Variants in FSTL4 observed in about 807,000 individuals in gnomAD.
The protein encoded by FSTL4 is follistatin-related protein 4.
Under a neutral mutation model 78.2 loss-of-function variants are expected in FSTL4, and 28 were observed. The observed-to-expected ratio is 0.36, with a 90% CI of 0.27 to 0.49. FSTL4 has a LOEUF of 0.49. Among genes scored for constraint, FSTL4 ranks in the 20% least tolerant of loss-of-function variants. The probability of loss-of-function intolerance (pLI) is 0.98; values close to 1 mark genes in which losing one functional copy is unlikely to be tolerated. For synonymous variants in FSTL4, 422 were observed against 440.5 expected (o/e 0.96, Z 0.53); for missense variants, 922 against 1,084.9 (o/e 0.85, Z 2.11).
rs2127002776 is a variant in FSTL4 at position 133,440,700 on chromosome 5, G to C, written c.161-39714C>G. On this transcript the variant is annotated intron_variant, in intron 3 of 15. Coordinates refer to ENST00000265342, the MANE Select transcript of FSTL4 (RefSeq NM_015082.2). This position sits in a 1 kb window ranked among gnomAD's most constrained non-coding sequence, Gnocchi z 4.1. Reference sequence around the variant, plus strand: ...GAGGCCTGGGAATGTCCAAGCAGGGGGAAGAGAAGACAGTGGAGACTGCAA... The same window carrying C: ...GAGGCCTGGGAATGTCCAAGCAGGGCGAAGAGAAGACAGTGGAGACTGCAA... 6.6e-6 allele frequency among the ~76,000 whole-genome samples: 1 copy of C among 152,282 alleles called. No homozygotes were observed. The highest frequency in any genetic ancestry group is 1.5e-5 in the Non-Finnish European group (1 of 68,014).
rs1754510403 is a variant in FSTL4, at chr5:133,338,408, T to C, written c.410-21756A>G. 6.6e-6 allele frequency among the ~76,000 whole-genome samples: 1 copy of C among 152,176 alleles called. No individual in the cohort carries two copies. Among genetic ancestry groups the C allele is most frequent in the Non-Finnish European group, 1.5e-5 (1 of 68,014 alleles). On this transcript the variant is annotated intron_variant, in intron 4 of 15. Coordinates refer to ENST00000265342, the MANE Select transcript of FSTL4 (RefSeq NM_015082.2). This position sits in a 1 kb window ranked among gnomAD's most constrained non-coding sequence, Gnocchi z 4.0. ...TCTCAGGCCCTTTTAAAGGTGGTCG[T>C]TGCTGAGAGTATTTGGCTGCTTCTC...
chr5:133,496,401 G>C (rs1758367891), intron 3 of FSTL4, among the ~76,000 whole-genome samples: 1 of 152,274 alleles, frequency 6.6e-6, no homozygotes. Flanking sequence ...CAGAGGGCAG[G>C]TGTGCAGACA....
At chr5:133,227,409 C>A (rs767092936) in intron 8 of FSTL4, among the ~76,000 whole-genome samples, 1 of 152,184 alleles carries the variant, frequency 6.6e-6, no homozygotes, top group South Asian at 2.1e-4. Flanking sequence ...GGAAACTTCC[C>A]TGCTTGATTC....
At chr5:133,493,106 T>C (rs545906524) in intron 3 of FSTL4, among the ~76,000 whole-genome samples, 1 of 152,322 alleles carries the variant, frequency 6.6e-6, no homozygotes, top group African/African-American at 2.4e-5. Context: ...CTTTTTATTA[T>C]TCTAATAATT....
chr5:133,293,829 T>C (rs1352646416), intron 6 of FSTL4, among the ~76,000 whole-genome samples: 1 of 152,218 alleles, frequency 6.6e-6, no homozygotes, highest in Non-Finnish European at 1.5e-5. Flanking sequence ...CTAATAAATA[T>C]TGCACTAAGC....
chr5:133,681,138 G>C, the FSTL4 span, among the ~76,000 whole-genome samples: 1 of 152,256 alleles, frequency 6.6e-6, no homozygotes, highest in Admixed American at 6.5e-5. Context: ...GGACAGGCAG[G>C]CAGGTGGGCA....
At chr5:133,213,319 AAGT>A (rs1750802427) in intron 13 of FSTL4, among the ~76,000 whole-genome samples, 1 of 152,204 alleles carries the variant, frequency 6.6e-6, no homozygotes, top group African/African-American at 2.4e-5. Context: ...ATACAAAGTA[AAGT>A]AAAGATATTT....
At chr5:133,732,021 C>T in the FSTL4 span, among the ~76,000 whole-genome samples, 9,097 of 152,226 alleles carry the variant, frequency 0.06, 384 homozygotes, top group Middle Eastern at 0.12. Flanking sequence ...GAGGATGGTC[C>T]CCAGTGACTC....
At chr5:133,244,588 G>A (rs1304257487) in intron 7 of FSTL4, 1 of 152,314 alleles carries the variant, frequency 6.6e-6, no homozygotes, top group East Asian at 1.9e-4. Flanking sequence ...TCATAATCCA[G>A]AGACCCACTG....
At chr5:133,716,384 A>AATATAT in the FSTL4 span, among the ~76,000 whole-genome samples, 2 of 147,580 alleles carry the variant, frequency 1.4e-5, no homozygotes, top group African/African-American at 5.0e-5. Context: ...TTTATATAAG[A>AATATAT]ATATATATAT....
intron 3 of FSTL4, among the ~76,000 whole-genome samples, chr5:133,413,918 A>G (rs1303383885): frequency 2.0e-5 from 3 of 152,072 alleles, no homozygotes; most frequent in African/African-American, 7.2e-5. Flanking sequence ...ATTTTCAATC[A>G]TATTTTTAAT....
At chr5:133,658,585 C>T in the FSTL4 span, among the ~76,000 whole-genome samples, 2 of 152,090 alleles carry the variant, frequency 1.3e-5, no homozygotes, top group South Asian at 4.1e-4. Context: ...CTGAAGAACA[C>T]TTCCAGTTCA....
At chr5:133,450,745 C>T (rs1757366962) in intron 3 of FSTL4, among the ~76,000 whole-genome samples, 1 of 152,232 alleles carries the variant, frequency 6.6e-6, no homozygotes, top group South Asian at 2.1e-4. Context: ...CACCTGTCAT[C>T]TTGGTGCCAC....
intron 4 of FSTL4, among the ~76,000 whole-genome samples, chr5:133,365,990 C>T (rs1450090601): frequency 6.6e-6 from 1 of 152,176 alleles, no homozygotes; most frequent in Non-Finnish European, 1.5e-5. Flanking sequence ...GACTGCTTCT[C>T]CCAGTATTAC....
At chr5:133,354,972 A>T (rs1394999911) in intron 4 of FSTL4, among the ~76,000 whole-genome samples, 1 of 152,192 alleles carries the variant, frequency 6.6e-6, no homozygotes, top group African/African-American at 2.4e-5. Context: ...GGCTCTGTCT[A>T]CTGCTAATTG....
At chr5:133,508,384 C>A (rs992757222) in intron 3 of FSTL4, among the ~76,000 whole-genome samples, 1 of 152,166 alleles carries the variant, frequency 6.6e-6, no homozygotes, top group African/African-American at 2.4e-5. Flanking sequence ...GTCTGAGCTA[C>A]CTTTGGGAGG....
chr5:133,578,007 A>T (rs1371535315), intron 2 of FSTL4, among the ~76,000 whole-genome samples: 1 of 152,238 alleles, frequency 6.6e-6, no homozygotes, highest in East Asian at 1.9e-4. Context: ...CCTATCTTAC[A>T]ATAAATGACA....
At chr5:133,391,808 A>T (rs1297958791) in intron 4 of FSTL4, among the ~76,000 whole-genome samples, 1 of 152,036 alleles carries the variant, frequency 6.6e-6, no homozygotes, top group Non-Finnish European at 1.5e-5. Flanking sequence ...CCTTTGCCCA[A>T]ATGTCACTTC....
intron 3 of FSTL4, among the ~76,000 whole-genome samples, chr5:133,414,240 C>A (rs10072452): frequency 0.73 from 110,394 of 152,044 alleles, 40,802 homozygotes; most frequent in African/African-American, 0.88. Context: ...TATGGTTATA[C>A]ATTTTCAAGG....
Sources: gnomAD v4.1 joint callset for allele counts (sites outside exome capture counted in the v4.1 genomes callset) on GRCh38, gnomAD v4.1.1 for gene constraint, Gnocchi (gnomAD v3.1) non-coding constraint, MANE v1.5 for transcripts, NCBI Gene and HGNC (gene_info 2026-07-23, HGNC 2026-07-21) for gene names.